The following PPP1R12A variants were observed in gnomAD, a reference collection of about 807,000 sequenced individuals.
PPP1R12A encodes the protein protein phosphatase 1 regulatory subunit 12A, also known as myosin binding subunit.
PPP1R12A carries 19 observed loss-of-function variants against 139.6 expected under a neutral mutation model. The ratio of observed to expected loss-of-function variants is 0.14; its 90% confidence interval spans 0.09 to 0.20. PPP1R12A has a LOEUF of 0.20. Among genes scored for constraint, PPP1R12A ranks in the 10% least tolerant of loss-of-function variants. PPP1R12A has a pLI of 1.00. For missense variants in PPP1R12A, 925 were observed against 1,211.5 expected, an observed-to-expected ratio of 0.76 and a Z score of 3.51; for synonymous variants, 427 against 420.6, an observed-to-expected ratio of 1.02 and a Z score of -0.19.
intron 14 of PPP1R12A, 74 bp from the exon 15 acceptor site, chr12:79,798,658 G>T: frequency 1.3e-6 from 1 of 775,296 alleles, no homozygotes. Context: ...CAATGCATAT[G>T]AATAAAACAT....
chr12:79,854,950 G>A (rs768987605), intron 2 of PPP1R12A, among the ~76,000 whole-genome samples: 3 of 152,018 alleles, frequency 2.0e-5, no homozygotes, highest in Non-Finnish European at 2.9e-5. Flanking sequence ...TGGGATTATA[G>A]GTGTTGGCCA....
chr12:79,908,571 G>A (rs2698277), intron 1 of PPP1R12A, among the ~76,000 whole-genome samples: 30,690 of 152,050 alleles, frequency 0.2, 5,486 homozygotes, highest in African/African-American at 0.48. Context: ...TATGAAAGCA[G>A]AAGCTAGGAG....
At chr12:79,794,718 G>A (rs1006152030) in intron 18 of PPP1R12A, among the ~76,000 whole-genome samples, 2 of 151,738 alleles carry the variant, frequency 1.3e-5, no homozygotes, top group African/African-American at 4.8e-5. Context: ...TGAGAGATGG[G>A]TCAGTTTAAC....
rs753734603 is a variant in PPP1R12A at position 79,820,944 on chromosome 12, AAC to A, written c.957-15_957-14del. 6.2e-7 allele frequency: 1 copy of A among 1,612,452 alleles called. No homozygotes were observed. Among genetic ancestry groups the A allele is most frequent in the East Asian group, 2.2e-5 (1 of 44,788 alleles). On this transcript the variant is annotated splice_polypyrimidine_tract_variant and intron_variant, in intron 7 of 24. Coordinates refer to ENST00000450142, the MANE Select transcript of PPP1R12A (RefSeq NM_002480.3). ...CAACGTCTCTTTGCTGTTAAAGGAA[AAC>A]AGTGTTCAAATGATTAGAAATACAA...
intron 2 of PPP1R12A, among the ~76,000 whole-genome samples, chr12:79,846,620 CT>C (rs1879439035): frequency 8.4e-6 from 1 of 119,398 alleles, no homozygotes; most frequent in South Asian, 2.6e-4. Context: ...TTTTTGTATT[CT>C]TAGTAGAGAC....
intron 1 of PPP1R12A, among the ~76,000 whole-genome samples, chr12:79,883,734 G>A (rs749649011): frequency 2.6e-5 from 4 of 152,180 alleles, no homozygotes; most frequent in Non-Finnish European, 5.9e-5. Context: ...TTCAGGGAAA[G>A]AGTGTAGAGA....
intron 9 of PPP1R12A, among the ~76,000 whole-genome samples, chr12:79,812,382 C>CTGTGTGCGTGTGTGTGTGTGTG (rs370114772): frequency 1.8e-5 from 2 of 112,882 alleles, no homozygotes; most frequent in Non-Finnish European, 3.3e-5. Context: ...TTGACTGACT[C>CTGTGTGCGTGTGTGTGTGTGTG]TGTGTGTGCG....
chr12:79,892,759 A>G (rs1468683898), intron 1 of PPP1R12A, among the ~76,000 whole-genome samples: 2 of 132,078 alleles, frequency 1.5e-5, no homozygotes, highest in South Asian at 2.1e-4. Flanking sequence ...AAAAATTATC[A>G]TAGTATTTCC....
rs1236184167 is a variant in PPP1R12A at position 79,820,929 on chromosome 12, T to G, written c.959A>C (p.Lys320Thr). ...CTCTGGTTCAATAATCAACGTCTCT[T>G]TGCTGTTAAAGGAAAACAGTGTTCA... Reference protein sequence around the residue: ...NNQSQKTFKNKETLIIEPEKN... With the variant: ...NNQSQKTFKNTETLIIEPEKN... Residue 320 changes from lysine to threonine, a missense_variant and splice_region_variant, in exon 8 of 25, where the codon AAA (lysine) becomes ACA (threonine). Lys to Thr is a moderately conservative substitution (Grantham distance 78). Transcript: ENST00000450142. 3.1e-6 allele frequency: 5 copies of G among 1,613,114 alleles called. No individual in the cohort carries two copies. In the East Asian group the frequency reaches 1.1e-4, roughly 36 times the overall value.
chr12:79,805,881 G>T lies in PPP1R12A; in HGVS notation c.1824-113C>A, dbSNP rs569927301. On this transcript the variant is annotated intron_variant, in intron 13 of 24. Transcript: ENST00000450142. ...CTACAGGGATGGATTTTTTTAAAAC[G>T]CAAGGTGAGACATCCTTAAATTATG... is the stretch of plus-strand genomic sequence containing the variant. 6.7e-4 allele frequency: 780 copies of T among 1,165,862 alleles called. 14 individuals are homozygous for T. In the South Asian group the frequency reaches 0.012, roughly 18 times the overall value. 72.2% of individuals were successfully genotyped at this position (1,165,862 alleles called of 1,614,324 possible). A position where few individuals can be genotyped will look rare whatever the true frequency, so the allele number is the denominator to read the frequency against.
chr12:79,896,420 A>G (rs1273513956), intron 1 of PPP1R12A, among the ~76,000 whole-genome samples: 1 of 152,034 alleles, frequency 6.6e-6, no homozygotes, highest in Non-Finnish European at 1.5e-5. Context: ...TGTAGCCTCA[A>G]CTTCCCAGGC....
intron 2 of PPP1R12A, among the ~76,000 whole-genome samples, chr12:79,867,832 C>T (rs1473580954): frequency 6.6e-6 from 1 of 152,102 alleles, no homozygotes; most frequent in Non-Finnish European, 1.5e-5. Flanking sequence ...TTATAAAGGG[C>T]TTTCCCCCCT....
intron 1 of PPP1R12A, among the ~76,000 whole-genome samples, chr12:79,892,396 AAAC>A (rs1280155216): frequency 6.6e-6 from 1 of 152,214 alleles, no homozygotes; most frequent in Non-Finnish European, 1.5e-5. Flanking sequence ...AAACTATACA[AAAC>A]AACAGTCTAA....
rs1157805439 is a variant in PPP1R12A at position 79,775,033 on chromosome 12, A to G, written c.*896T>C. ...AGTAGCCTACTCTGCATTAGCAGAC[A>G]TTTGAAATAAGAAATAGTCAAGCAT... On this transcript the variant is annotated 3_prime_UTR_variant, in exon 25 of 25. Coordinates refer to ENST00000450142, the MANE Select transcript of PPP1R12A (RefSeq NM_002480.3). The G allele has an allele frequency of 6.6e-6, 1 of 152,542 alleles. No homozygotes were observed. Among genetic ancestry groups the G allele is most frequent in the Non-Finnish European group, 1.5e-5 (1 of 67,974 alleles). The allele number at this position is 152,542 out of a possible 1,614,324, so 9.4% of individuals were successfully genotyped here.
chr12:79,783,239 C>T (rs976636193), intron 22 of PPP1R12A, among the ~76,000 whole-genome samples: 1 of 145,278 alleles, frequency 6.9e-6, no homozygotes, highest in African/African-American at 2.6e-5. Flanking sequence ...GGGCAGATCA[C>T]TTGAGCCCAG....
chr12:79,915,952 A>G (rs1886959501), intron 1 of PPP1R12A, among the ~76,000 whole-genome samples: 2 of 150,214 alleles, frequency 1.3e-5, no homozygotes, highest in Admixed American at 6.6e-5. Context: ...ATCAAGCTAT[A>G]CTGTTTGCAA....
At chr12:79,793,111 T>A (rs898280434) in intron 19 of PPP1R12A, among the ~76,000 whole-genome samples, 3 of 152,186 alleles carry the variant, frequency 2.0e-5, no homozygotes, top group African/African-American at 7.2e-5. Flanking sequence ...ATGACCAGAA[T>A]GCTATTTCAT....
intron 1 of PPP1R12A, among the ~76,000 whole-genome samples, chr12:79,893,112 A>AC (rs1376978607): frequency 1.3e-5 from 2 of 152,028 alleles, no homozygotes; most frequent in Admixed American, 1.3e-4. Context: ...CTCAAAAAAA[A>AC]AAAAAAAAGT....
intron 2 of PPP1R12A, among the ~76,000 whole-genome samples, chr12:79,860,761 G>A (rs944694975): frequency 6.6e-6 from 1 of 152,112 alleles, no homozygotes; most frequent in African/African-American, 2.4e-5. Flanking sequence ...ATAGTAACCT[G>A]ATGGTATATT....
Sources: gnomAD v4.1 joint callset for allele counts (sites outside exome capture counted in the v4.1 genomes callset) on GRCh38, gnomAD v4.1.1 for gene constraint, MANE v1.5 for transcripts, NCBI Gene and HGNC (gene_info 2026-07-23, HGNC 2026-07-21) for gene names.